Variants in APBB2 observed in about 807,000 individuals in gnomAD.
APBB2 encodes the protein Fe65-like 1.
In APBB2, 38 loss-of-function variants were observed where a neutral mutation model predicts 82.5. That is an observed-to-expected ratio of 0.46 (90% CI 0.36 to 0.60). APBB2 has a LOEUF of 0.60. Among genes scored for constraint, APBB2 ranks in the 20% least tolerant of loss-of-function variants. The pLI, the probability that APBB2 is intolerant of heterozygous loss-of-function variation, is 0.00. For synonymous variants in APBB2, 341 were observed against 368.2 expected, an observed-to-expected ratio of 0.93 and a Z score of 0.85; for missense variants, 772 against 972.3, an observed-to-expected ratio of 0.79 and a Z score of 2.74.
chr4:40,976,765 A>T (rs535560906), intron 6 of APBB2, among the ~76,000 whole-genome samples: 1 of 152,272 alleles, frequency 6.6e-6, no homozygotes, highest in East Asian at 1.9e-4. Flanking sequence ...CAGATGGGGC[A>T]AGGTGGCTCA....
chr4:40,914,837 G>C (rs565585823), intron 10 of APBB2, among the ~76,000 whole-genome samples: 2 of 152,260 alleles, frequency 1.3e-5, no homozygotes, highest in South Asian at 2.1e-4. Context: ...AGGGTGGGGG[G>C]TGGTGCTTAA....
At chr4:40,997,371 A>G (rs1342595684) in intron 6 of APBB2, among the ~76,000 whole-genome samples, 1 of 152,206 alleles carries the variant, frequency 6.6e-6, no homozygotes, top group Non-Finnish European at 1.5e-5. Context: ...AACATATTCT[A>G]GCCACCAATA....
chr4:41,114,644 G>C (rs1750345263), intron 2 of APBB2, among the ~76,000 whole-genome samples: 1 of 152,124 alleles, frequency 6.6e-6, no homozygotes, highest in Non-Finnish European at 1.5e-5. Flanking sequence ...CAAAATCAAT[G>C]TGCAAAAATC....
chr4:41,196,200 T>A, intron 1 of APBB2, among the ~76,000 whole-genome samples: 4 of 151,948 alleles, frequency 2.6e-5, no homozygotes, highest in Non-Finnish European at 2.9e-5. Context: ...CATCCCATGA[T>A]CACCCATCCC....
intron 5 of APBB2, among the ~76,000 whole-genome samples, chr4:41,015,318 A>G (rs1809594598): frequency 6.6e-6 from 1 of 152,222 alleles, no homozygotes; most frequent in South Asian, 2.1e-4. Flanking sequence ...TTCATCAGCA[A>G]GAATTCCTAA....
intron 3 of APBB2, among the ~76,000 whole-genome samples, chr4:41,079,740 G>A (rs1294703188): frequency 2.6e-5 from 4 of 152,006 alleles, no homozygotes; most frequent in Non-Finnish European, 4.4e-5. Flanking sequence ...GTAGAGACGG[G>A]GTTTCACCGT....
At chr4:40,833,242 G>A (rs1752677116) in intron 12 of APBB2, among the ~76,000 whole-genome samples, 1 of 152,208 alleles carries the variant, frequency 6.6e-6, no homozygotes, top group African/African-American at 2.4e-5. Context: ...AAAGCTCCCT[G>A]TGGTCAACCA....
At chr4:40,839,901 G>A (rs899269975) in intron 12 of APBB2, among the ~76,000 whole-genome samples, 2 of 152,146 alleles carry the variant, frequency 1.3e-5, no homozygotes, top group African/African-American at 4.8e-5. Flanking sequence ...CTGACCTCAG[G>A]TGATCCGCCC....
intron 10 of APBB2, among the ~76,000 whole-genome samples, chr4:40,898,880 C>CACACACACACACACACACACACAG (rs148917018): frequency 4.0e-5 from 6 of 149,530 alleles, no homozygotes; most frequent in Admixed American, 1.3e-4. Flanking sequence ...CACACACACA[C>CACACACACACACACACACACACAG]AGAACACTGG....
At chr4:40,915,178 T>C (rs1378686755) in intron 10 of APBB2, among the ~76,000 whole-genome samples, 2 of 152,236 alleles carry the variant, frequency 1.3e-5, no homozygotes, top group South Asian at 2.1e-4. Flanking sequence ...CTCATCACCA[T>C]GGGCTCCCCC....
At chr4:41,179,980 C>A (rs1770875438) in intron 1 of APBB2, among the ~76,000 whole-genome samples, 1 of 152,196 alleles carries the variant, frequency 6.6e-6, no homozygotes, top group African/African-American at 2.4e-5. Context: ...GAATTTAATA[C>A]AAACAACATC....
At chr4:40,820,127 C>T (rs1388839193) in intron 17 of APBB2, among the ~76,000 whole-genome samples, 6 of 152,210 alleles carry the variant, frequency 3.9e-5, no homozygotes, top group Admixed American at 6.5e-5. Flanking sequence ...CCCGTAAGTG[C>T]GAGGCTGAAT....
intron 12 of APBB2, chr4:40,880,427 G>A: frequency 1.0e-6 from 1 of 985,418 alleles, no homozygotes; most frequent in African/African-American, 1.7e-5. Flanking sequence ...AGTGGTGACT[G>A]CACCTTCCTT....
intron 3 of APBB2, among the ~76,000 whole-genome samples, chr4:41,095,096 T>C (rs1484028236): frequency 2.0e-5 from 3 of 152,136 alleles, no homozygotes; most frequent in Non-Finnish European, 2.9e-5. Flanking sequence ...GGCAAAATGG[T>C]TAAGAGCATA....
intron 12 of APBB2, among the ~76,000 whole-genome samples, chr4:40,863,146 G>T (rs1368132337): frequency 1.3e-5 from 2 of 152,212 alleles, no homozygotes; most frequent in Non-Finnish European, 2.9e-5. Flanking sequence ...CAGCAACCAT[G>T]CTTTACTTGT....
At chr4:41,018,156 C>G (rs188172796) in intron 5 of APBB2, among the ~76,000 whole-genome samples, 2 of 152,200 alleles carry the variant, frequency 1.3e-5, no homozygotes, top group East Asian at 3.9e-4. Context: ...TTATCATAAT[C>G]TTATAGCTCC....
At chr4:40,915,572 G>A (rs1434127420) in intron 10 of APBB2, among the ~76,000 whole-genome samples, 1 of 152,186 alleles carries the variant, frequency 6.6e-6, no homozygotes, top group Non-Finnish European at 1.5e-5. Context: ...TGTTTTCTAA[G>A]AAAGGTTTTA....
chr4:41,124,157 A>G (rs1753709711), intron 2 of APBB2, among the ~76,000 whole-genome samples: 1 of 152,208 alleles, frequency 6.6e-6, no homozygotes, highest in South Asian at 2.1e-4. Flanking sequence ...AATTTCTATA[A>G]TTTTCAGCTG....
intron 1 of APBB2, among the ~76,000 whole-genome samples, chr4:41,168,691 T>C (rs1159862774): frequency 6.6e-6 from 1 of 152,182 alleles, no homozygotes; most frequent in Non-Finnish European, 1.5e-5. Context: ...TACAGAGAAA[T>C]AGAACCACGG....
Sources: gnomAD v4.1 joint callset for allele counts (sites outside exome capture counted in the v4.1 genomes callset) on GRCh38, gnomAD v4.1.1 for gene constraint, MANE v1.5 for transcripts, NCBI Gene and HGNC (gene_info 2026-07-23, HGNC 2026-07-21) for gene names.